LAMB1: variants seen among roughly 807,000 people sequenced by gnomAD.
LAMB1 encodes laminin subunit beta 1, also known as laminin subunit beta-1.
A neutral mutation model predicts 222.3 loss-of-function variants in LAMB1; 121 were observed. The observed-to-expected ratio is 0.54, with a 90% CI of 0.47 to 0.63. LAMB1 has a LOEUF of 0.63. Among genes scored for constraint, LAMB1 ranks in the 30% least tolerant of loss-of-function variants. The pLI is 0.00. For missense variants in LAMB1, 2,172 were observed against 2,240.8 expected, an observed-to-expected ratio of 0.97 and a Z score of 0.62; for synonymous variants, 794 against 807.2, an observed-to-expected ratio of 0.98 and a Z score of 0.28.
intron 24 of LAMB1, among the ~76,000 whole-genome samples, chr7:107,940,911 T>C (rs563123368): frequency 6.6e-6 from 1 of 152,352 alleles, no homozygotes; most frequent in Non-Finnish European, 1.5e-5. Flanking sequence ...TTTACGTACC[T>C]GACTCTATCT....
rs535853982 is a variant in LAMB1, at chr7:107,980,803, T to G, written c.685A>C (p.Lys229Gln). The change falls in exon 8 of 34, where the codon AAA (lysine) becomes CAA (glutamine). Residue 229 changes from lysine (K) to glutamine (Q), a missense_variant. By Grantham distance (53) the Lys-to-Gln change is moderately conservative (BLOSUM62 1). Coordinates refer to ENST00000222399, the MANE Select transcript of LAMB1 (RefSeq NM_002291.3). ...AACTTGATTCTCAAGTTGGTAATTT[T>G]TAATAAATCTAGGAAGGTCATCAAG... ...PYSPRIQNLL[K>Q]ITNLRIKFVK... 16 of 1,602,328 alleles carry G rather than the reference T, an allele frequency of 1.0e-5. 1 individual carries two copies. The South Asian group carries it at 1.8e-4, about 18-fold the overall frequency.
intron 9 of LAMB1, among the ~76,000 whole-genome samples, chr7:107,976,738 A>G (rs2033864326): frequency 6.6e-6 from 1 of 152,182 alleles, no homozygotes; most frequent in African/African-American, 2.4e-5. Flanking sequence ...GGACTCTGTG[A>G]TGGTTTCAAG....
chr7:107,998,266 G>C lies in LAMB1; in HGVS notation c.349+91C>G, dbSNP rs971258563. 2.3e-6 allele frequency: 3 copies of C among 1,294,632 alleles called. No individual in the cohort carries two copies. In the Admixed American group the frequency reaches 5.6e-5, roughly 24 times the overall value. 80.2% of individuals were successfully genotyped at this position (1,294,632 alleles called of 1,614,324 possible). On this transcript the variant is annotated intron_variant, in intron 4 of 33. Coordinates refer to ENST00000222399, the MANE Select transcript of LAMB1 (RefSeq NM_002291.3). ...GGCCATAATTACAGGACAGAGAAGT[G>C]AATCATAATTACAAACACCCAGGAA...
At position 107,929,102 on chromosome 7, in the gene LAMB1, C is replaced by G; in HGVS notation, c.4849G>C (p.Asp1617His). ...TTCTGGGTTCCTTGAATGTCTTCAT[C>G]TGCTTGTTTAATTGCCTTCTCTGCT... ...VAAEKAIKQA[D>H]EDIQGTQNLL... is the part of the protein sequence containing the mutation. The change falls in exon 31 of 34, where the codon GAT becomes CAT. Residue 1617 changes from aspartate to histidine, a missense_variant. Transcript: ENST00000222399. The G allele has an allele frequency of 1.1e-5, 17 of 1,614,046 alleles. No individual in the cohort carries two copies. The highest frequency in any genetic ancestry group is 1.4e-5 in the Non-Finnish European group (17 of 1,179,994).
At chr7:107,943,803 AAG>A (rs1246281009) in intron 24 of LAMB1, among the ~76,000 whole-genome samples, 1 of 152,150 alleles carries the variant, frequency 6.6e-6, no homozygotes, top group African/African-American at 2.4e-5. Context: ...TAGAGAAAAA[AAG>A]AGAGCATGTG....
chr7:107,930,242 G>GA (rs1177275854), intron 29 of LAMB1, among the ~76,000 whole-genome samples: 2 of 150,980 alleles, frequency 1.3e-5, no homozygotes, highest in Non-Finnish European at 3.0e-5. Flanking sequence ...GGAAGATGGT[G>GA]AAAAAAAAAG....
At chr7:107,971,240 A>G (rs561747510) in intron 13 of LAMB1, among the ~76,000 whole-genome samples, 1 of 152,348 alleles carries the variant, frequency 6.6e-6, no homozygotes, top group African/African-American at 2.4e-5. Flanking sequence ...TTGCCTCTCT[A>G]AGGAGTACAT....
At chr7:107,943,449 C>T (rs183557860) in intron 24 of LAMB1, among the ~76,000 whole-genome samples, 9 of 152,120 alleles carry the variant, frequency 5.9e-5, no homozygotes, top group Middle Eastern at 3.4e-3. Context: ...TAACTTAGTA[C>T]CTTAAGAGTT....
rs754915396 is a variant in LAMB1, at chr7:107,940,110, C to T, written c.3640G>A (p.Gly1214Arg). ...GAGTCCACAGTCTCACGGTAAGGCC[C>T]GATCACACCACTGATCTTCAAGGCC... ...AKALKISGVI[G>R]PYRETVDSVE... Residue 1214 changes from glycine to arginine, a missense_variant, in exon 25 of 34, where the codon GGG becomes AGG. By Grantham distance (125) the Gly-to-Arg change is moderately radical (BLOSUM62 -2). Coordinates refer to ENST00000222399, the MANE Select transcript of LAMB1 (RefSeq NM_002291.3). 8.1e-6 allele frequency: 13 copies of T among 1,614,020 alleles called. No individual in the cohort carries two copies. The highest frequency in any genetic ancestry group is 4.0e-5 in the African/African-American group (3 of 74,918).
intron 24 of LAMB1, among the ~76,000 whole-genome samples, chr7:107,947,601 C>A (rs553064297): frequency 6.6e-6 from 1 of 152,362 alleles, no homozygotes; most frequent in East Asian, 1.9e-4. Flanking sequence ...ACTGGTCCTA[C>A]TCCTGTTGCC....
intron 7 of LAMB1, 58 bp downstream of exon 7, chr7:107,985,963 AC>A (rs1236394211): frequency 1.0e-5 from 14 of 1,369,536 alleles, no homozygotes; most frequent in African/African-American, 2.9e-5. Flanking sequence ...GTCTCAAAAA[AC>A]AAAACAAAAC....
chr7:107,959,194 G>A (rs996689948), intron 20 of LAMB1, 55 bp downstream of exon 20: 1 of 1,412,016 alleles, frequency 7.1e-7, no homozygotes, highest in Non-Finnish European at 9.9e-7. Context: ...GGTCTAAGAT[G>A]CTGTCTGCTC....
At chr7:107,971,473 G>C (rs958477981) in intron 13 of LAMB1, among the ~76,000 whole-genome samples, 1 of 152,192 alleles carries the variant, frequency 6.6e-6, no homozygotes, top group East Asian at 1.9e-4. Flanking sequence ...TGCCTAAGGG[G>C]CTCCTGGGGA....
At chr7:107,997,510 C>T (rs572928191) in intron 4 of LAMB1, among the ~76,000 whole-genome samples, 5 of 152,156 alleles carry the variant, frequency 3.3e-5, no homozygotes, top group Non-Finnish European at 5.9e-5. Flanking sequence ...ATGGCTGCAG[C>T]GGCATCCAAA....
At chr7:107,941,820 G>A (rs1184331340) in intron 24 of LAMB1, among the ~76,000 whole-genome samples, 9 of 102,138 alleles carry the variant, frequency 8.8e-5, no homozygotes, top group South Asian at 7.3e-4. Flanking sequence ...CACCACACCC[G>A]GCTTTTTTTT....
Position 107,972,977 on chromosome 7 carries a change from TAG to T in LAMB1, c.1562+13_1562+14del. Reference sequence around the variant, plus strand: ...GGAAGACTGAGGACAAGAGCATACGTAGAGCTCCATTTACCTGTTGTTTAAGG... The same window carrying T: ...GGAAGACTGAGGACAAGAGCATACGTAGCTCCATTTACCTGTTGTTTAAGG... On this transcript the variant is annotated intron_variant, in intron 13 of 33. Transcript: ENST00000222399. 1 of 1,598,084 alleles carries T rather than the reference TAG, an allele frequency of 6.3e-7. No individual in the cohort carries two copies.
In LAMB1 at chr7:107,929,211, TAAA is replaced by T. The variant is rs2032644193; in HGVS notation, c.4746-9_4746-7del. The T allele has an allele frequency of 1.9e-6, 3 of 1,613,606 alleles. No homozygotes were observed. In the African/African-American group the frequency reaches 4.0e-5, roughly 22 times the overall value. ...TAACATCTGTTGCACTTTTGCTGAG[TAAA>T]AAATAATGAGACAGTATATTGTTGC... On this transcript the variant is annotated splice_region_variant and splice_polypyrimidine_tract_variant and intron_variant, in intron 30 of 33. Coordinates refer to ENST00000222399, the MANE Select transcript of LAMB1 (RefSeq NM_002291.3).
intron 5 of LAMB1, among the ~76,000 whole-genome samples, chr7:107,991,756 A>C (rs2034187700): frequency 6.6e-6 from 1 of 151,940 alleles, no homozygotes; most frequent in Non-Finnish European, 1.5e-5. Flanking sequence ...TAAAAATACA[A>C]AATTAGCTGG....
intron 14 of LAMB1, 78 bp from the exon 15 acceptor site, chr7:107,963,141 G>A: frequency 7.4e-7 from 1 of 1,342,888 alleles, no homozygotes; most frequent in South Asian, 1.5e-5. Flanking sequence ...GTAATCCGAA[G>A]TCACCCAAAG....
Sources: gnomAD v4.1 joint callset for allele counts (sites outside exome capture counted in the v4.1 genomes callset) on GRCh38, gnomAD v4.1.1 for gene constraint, MANE v1.5 for transcripts, NCBI Gene and HGNC (gene_info 2026-07-23, HGNC 2026-07-21) for gene names.